The following MAPK8IP3 variants were observed in gnomAD, a reference collection of about 807,000 sequenced individuals.
The protein encoded by MAPK8IP3 is C-Jun-amino-terminal kinase-interacting protein 3.
In MAPK8IP3, 49 loss-of-function variants were observed where a neutral mutation model predicts 157.8. The observed-to-expected ratio is 0.31, with a 90% CI of 0.25 to 0.39. The LOEUF is 0.39. MAPK8IP3 is among the 10% of genes least tolerant of loss of function. The pLI, the probability that MAPK8IP3 is intolerant of heterozygous loss-of-function variation, is 1.00. For synonymous variants in MAPK8IP3, 897 were observed against 777.7 expected (o/e 1.15, Z -2.55); for missense variants, 1,478 against 1,889.4 (o/e 0.78, Z 4.04).
chr16:1,758,200 CG>C lies in MAPK8IP3; in HGVS notation c.1228+47del, dbSNP rs753169293. 42 of 1,609,828 alleles carry C rather than the reference CG, an allele frequency of 2.6e-5. No individual in the cohort carries two copies. The South Asian group carries it at 3.1e-4, about 12-fold the overall frequency. On this transcript the variant is annotated intron_variant, in intron 9 of 31. Coordinates refer to ENST00000610761, the MANE Select transcript of MAPK8IP3 (RefSeq NM_001318852.2). ...TCCTGTCTGTCTCCCCTCTGTGTGA[CG>C]GGGGGAGTGGGTGGACGGGGGATGC...
intron 4 of MAPK8IP3, among the ~76,000 whole-genome samples, chr16:1,739,075 T>C (rs1050134995): frequency 3.0e-5 from 4 of 134,468 alleles, no homozygotes; most frequent in East Asian, 4.9e-4. Flanking sequence ...TCCGTGTGAG[T>C]GTGACCATCC....
chr16:1,716,238 C>T (rs940723499), intron 1 of MAPK8IP3, among the ~76,000 whole-genome samples: 1 of 151,500 alleles, frequency 6.6e-6, no homozygotes, highest in African/African-American at 2.4e-5. Flanking sequence ...AGGATGATAT[C>T]ATTCTATGGA....
Position 1,763,660 on chromosome 16 carries a change from C to A in MAPK8IP3, c.1902C>A (p.Asp634Glu). 1 of 1,568,622 alleles carries A rather than the reference C, an allele frequency of 6.4e-7. No individual in the cohort carries two copies. Among genetic ancestry groups the A allele is most frequent in the South Asian group, 1.2e-5 (1 of 86,330 alleles). The change falls in exon 17 of 32, where the codon GAC (aspartate) becomes GAA (glutamate). Residue 634 changes from aspartate (D) to glutamate (E), a missense_variant. Transcript: ENST00000610761. ...CACCCATCATTCTTCCACTCAGCGA[C>A]TGCACGTCCTCCGCCCGTCGAGAGC... ...SRPLEFFPDD[D>E]CTSSARREQK...
Position 1,763,682 on chromosome 16 carries a change from G to A in MAPK8IP3, c.1924G>A (p.Glu642Lys). 6.3e-7 allele frequency: 1 copy of A among 1,591,048 alleles called. No homozygotes were observed. Among genetic ancestry groups the A allele is most frequent in the Non-Finnish European group, 8.6e-7 (1 of 1,167,124 alleles). ...CGACTGCACGTCCTCCGCCCGTCGA[G>A]AGCAGAAGCGCGAGCAGTACCGCCA... Reference protein sequence around the residue: ...DDDCTSSARREQKREQYRQVR... With the variant: ...DDDCTSSARRKQKREQYRQVR... Residue 642 changes from glutamate (E) to lysine (K), a missense_variant, in exon 17 of 32, where the codon GAG becomes AAG. Glu to Lys is a moderately conservative substitution (Grantham distance 56, BLOSUM62 1). This residue lies in a region of MAPK8IP3 where 669 missense variants were observed against 759.8 expected (regional missense o/e 0.88). Coordinates refer to ENST00000610761, the MANE Select transcript of MAPK8IP3 (RefSeq NM_001318852.2).
Position 1,729,142 on chromosome 16 carries a change from C to T in MAPK8IP3, c.444C>T (p.Ser148=). 6.2e-7 allele frequency: 1 copy of T among 1,614,064 alleles called. No homozygotes were observed. The highest frequency in any genetic ancestry group is 8.5e-7 in the Non-Finnish European group (1 of 1,179,962). The change falls in exon 3 of 32, where the codon TCC becomes TCT. Residue 148 remains serine, a synonymous_variant. Coordinates refer to ENST00000610761, the MANE Select transcript of MAPK8IP3 (RefSeq NM_001318852.2). ...GACAGTGATTGTGTTTTCCAGTTTC[C>T]CGGTTGGAGGAGCGGGAGTCGGAGA... The part of the protein sequence containing the change: ...LKAKNYADQI[S]RLEERESEMK...
chr16:1,714,092 C>T (rs1202049125), intron 1 of MAPK8IP3: 2 of 152,282 alleles, frequency 1.3e-5, no homozygotes, highest in Non-Finnish European at 2.9e-5. Context: ...CTGACATCTT[C>T]CACTCGGTAC....
intron 4 of MAPK8IP3, among the ~76,000 whole-genome samples, chr16:1,733,589 C>T (rs1241205811): frequency 6.6e-6 from 1 of 152,352 alleles, no homozygotes; most frequent in Non-Finnish European, 1.5e-5. Context: ...GGTGTCCCCG[C>T]GGGACCCAGG....
intron 17 of MAPK8IP3, 77 bp downstream of exon 17, chr16:1,763,860 C>T (rs1270282920): frequency 2.3e-4 from 16 of 69,852 alleles, no homozygotes; most frequent in African/African-American, 1.7e-3. Context: ...CGCTGTGGGG[C>T]GGGGAGAGGG....
chr16:1,759,764 T>C (rs1259711947), intron 10 of MAPK8IP3, among the ~76,000 whole-genome samples, 194 bp from the exon 11 acceptor site: 1 of 152,212 alleles, frequency 6.6e-6, no homozygotes, highest in Non-Finnish European at 1.5e-5. Flanking sequence ...CCCCAAGGCC[T>C]GGGAGCCTGC....
At position 1,741,003 on chromosome 16, in the gene MAPK8IP3, G is replaced by A. The variant is rs2040640897; in HGVS notation, c.603-2329G>A. 6.6e-6 allele frequency among the ~76,000 whole-genome samples: 1 copy of A among 152,160 alleles called. No individual in the cohort carries two copies. The highest frequency in any genetic ancestry group is 2.1e-4 in the South Asian group (1 of 4,828). The stretch of plus-strand genomic sequence containing the variant: ...TGCCTTGGTCACAGACGAAGGCACG[G>A]CGCCGACTCCTGCTAAGGAGGGGTG... On this transcript the variant is annotated intron_variant, in intron 4 of 31. Transcript: ENST00000610761. This position sits in a 1 kb window ranked among gnomAD's most constrained non-coding sequence, Gnocchi z 6.9.
At chr16:1,735,971 C>CGT (rs2039726896) in intron 4 of MAPK8IP3, among the ~76,000 whole-genome samples, 1 of 125,648 alleles carries the variant, frequency 8.0e-6, no homozygotes, top group African/African-American at 3.0e-5. Context: ...TGTGAGCATC[C>CGT]GTGTGACCGT....
intron 4 of MAPK8IP3, among the ~76,000 whole-genome samples, chr16:1,735,731 G>A (rs965741986): frequency 7.0e-6 from 1 of 142,450 alleles, no homozygotes; most frequent in African/African-American, 2.7e-5. Context: ...GACCGTCCAT[G>A]TGAGAGTGTG....
chr16:1,763,069 C>A (rs770283374), intron 16 of MAPK8IP3, 63 bp downstream of exon 16: 1 of 1,589,304 alleles, frequency 6.3e-7, no homozygotes, highest in Non-Finnish European at 8.6e-7. Context: ...TGTCCTGAGG[C>A]TCCTCCCCTC....
At chr16:1,720,391 T>G (rs998860371) in intron 1 of MAPK8IP3, among the ~76,000 whole-genome samples, 1 of 152,040 alleles carries the variant, frequency 6.6e-6, no homozygotes, top group East Asian at 1.9e-4. Context: ...AAAGAGATAA[T>G]GGATTGAGCA....
intron 4 of MAPK8IP3, among the ~76,000 whole-genome samples, chr16:1,739,064 G>GTCCGTGTGTGTGACCA (rs1567171639): frequency 3.8e-5 from 5 of 132,788 alleles, no homozygotes; most frequent in Non-Finnish European, 8.0e-5. Flanking sequence ...GCGTGTGAGC[G>GTCCGTGTGTGTGACCA]TCCGTGTGAG....
In MAPK8IP3 at chr16:1,748,474, C is replaced by T. The variant is rs567764192; in HGVS notation, c.1097+128C>T. 146 of 1,144,920 alleles carry T rather than the reference C, an allele frequency of 1.3e-4. 2 individuals are homozygous for T. The South Asian group carries it at 1.7e-3, about 13-fold the overall frequency. 70.9% of individuals were successfully genotyped at this position (1,144,920 alleles called of 1,614,324 possible). A position where few individuals can be genotyped will look rare whatever the true frequency, so the allele number is the denominator to read the frequency against. On this transcript the variant is annotated intron_variant, in intron 7 of 31. Coordinates refer to ENST00000610761, the MANE Select transcript of MAPK8IP3 (RefSeq NM_001318852.2). ...GGCTGTGGCCTACCGCCTCCATCCA[C>T]GACCGGCCTGCAGGGCAGTGTGGGC...
chr16:1,756,641 C>G (rs1197044513), intron 8 of MAPK8IP3, among the ~76,000 whole-genome samples: 2 of 146,570 alleles, frequency 1.4e-5, no homozygotes, highest in Non-Finnish European at 3.1e-5. Context: ...CACACACACA[C>G]ACACACACAC....
chr16:1,764,510 A>G, intron 19 of MAPK8IP3, 51 bp downstream of exon 19: 1 of 1,583,142 alleles, frequency 6.3e-7, no homozygotes, highest in Non-Finnish European at 8.6e-7. Flanking sequence ...GTCTCAGGAC[A>G]GCTCAGCTGC....
intron 4 of MAPK8IP3, among the ~76,000 whole-genome samples, chr16:1,739,035 CGT>C (rs1193257523): frequency 1.2e-4 from 14 of 116,896 alleles, no homozygotes; most frequent in African/African-American, 4.1e-4. Context: ...TGTGAGCGTC[CGT>C]GTGAGCGTCC....
Sources: gnomAD v4.1 joint callset for allele counts (sites outside exome capture counted in the v4.1 genomes callset) on GRCh38, gnomAD v4.1.1 for gene constraint, gnomAD v4.1.1 regional missense constraint, Gnocchi (gnomAD v3.1) non-coding constraint, MANE v1.5 for transcripts, NCBI Gene and HGNC (gene_info 2026-07-23, HGNC 2026-07-21) for gene names.